Variants in ANKRD13B observed in about 807,000 individuals in gnomAD.
ANKRD13B encodes the protein ankyrin repeat domain-containing protein 13B.
Under a neutral mutation model 74.4 loss-of-function variants are expected in ANKRD13B, and 33 were observed. That is an observed-to-expected ratio of 0.44 (90% CI 0.34 to 0.59). ANKRD13B has a LOEUF of 0.59. ANKRD13B is among the 20% of genes least tolerant of loss of function. ANKRD13B has a pLI of 0.02. For synonymous variants in ANKRD13B, 341 were observed against 362.9 expected (o/e 0.94, Z 0.68); for missense variants, 676 against 877.9 (o/e 0.77, Z 2.91).
chr17:29,593,611 A>T lies in ANKRD13B; in HGVS notation c.-11A>T. The T allele has an allele frequency of 7.7e-7, 1 of 1,303,106 alleles. No individual in the cohort carries two copies. The allele number at this position is 1,303,106 out of a possible 1,614,324, so 80.7% of individuals were successfully genotyped here. On this transcript the variant is annotated 5_prime_UTR_variant, in exon 1 of 15. It removes the in-frame stop codon of an upstream open reading frame in the 5' UTR. Transcript: ENST00000394859. ...GGCCGGGCGCCGCGGCCCCGGCATGAGGAGCGGGCGATGATCCCCGCCAAC... is the reference window on the plus strand; with the variant it reads ...GGCCGGGCGCCGCGGCCCCGGCATGTGGAGCGGGCGATGATCCCCGCCAAC...
Position 29,611,864 on chromosome 17 carries a change from C to T in ANKRD13B, c.970-12C>T. The T allele has an allele frequency of 1.3e-6, 2 of 1,583,814 alleles. No individual in the cohort carries two copies. Among genetic ancestry groups the T allele is most frequent in the Non-Finnish European group, 1.7e-6 (2 of 1,163,998 alleles). On this transcript the variant is annotated splice_polypyrimidine_tract_variant and intron_variant, in intron 9 of 14. Coordinates refer to ENST00000394859, the MANE Select transcript of ANKRD13B (RefSeq NM_152345.5). This position sits in a 1 kb window ranked among gnomAD's most constrained non-coding sequence, Gnocchi z 4.3. ...TGAGGGGAGCTCCTGGGCCCCTCCC[C>T]ATGTGGTACAGACCCTGATCACTCA... is the stretch of plus-strand genomic sequence containing the variant.
At chr17:29,602,311 C>T (rs909882655) in intron 1 of ANKRD13B, among the ~76,000 whole-genome samples, 3 of 149,788 alleles carry the variant, frequency 2.0e-5, no homozygotes, top group African/African-American at 5.0e-5. Flanking sequence ...AGGAGAATGG[C>T]GTGAACCGGG....
Position 29,610,723 on chromosome 17 carries a change from A to T in ANKRD13B, c.861A>T (p.Thr287=). Residue 287 remains threonine (T), a synonymous_variant, in exon 8 of 15, where the codon ACA becomes ACT. Transcript: ENST00000394859. ...CTAACGTGGAGCTCATCACCCGCAC[A>T]CGGACAGAACATCTTTCAGAACAGC... ...GASNVELITR[T]RTEHLSEQHK... The T allele has an allele frequency of 6.2e-7, 1 of 1,614,012 alleles. No individual in the cohort carries two copies. The highest frequency in any genetic ancestry group is 8.5e-7 in the Non-Finnish European group (1 of 1,179,946).
chr17:29,610,907 G>A lies in ANKRD13B; in HGVS notation c.904+141G>A, dbSNP rs185234037. 3.0e-4 allele frequency: 255 copies of A among 843,152 alleles called. No individual in the cohort carries two copies. The African/African-American group carries it at 4.1e-3, about 14-fold the overall frequency. The allele number at this position is 843,152 out of a possible 1,614,324, so 52.2% of individuals were successfully genotyped here. ...TTCAGGCCGATAGATTTCAATTCAG[G>A]TGCCAAGCCCTAAGGATGGGTAGTG... On this transcript the variant is annotated intron_variant, in intron 8 of 14. Coordinates refer to ENST00000394859, the MANE Select transcript of ANKRD13B (RefSeq NM_152345.5).
chr17:29,612,305 G>C lies in ANKRD13B; in HGVS notation c.1258+32G>C, dbSNP rs772449873. ...CCGCACGGCCATTTCTCCTGAGCCC[G>C]TGGCGGGCCGACCGGGGTTTAGATG... On this transcript the variant is annotated intron_variant, in intron 11 of 14. Transcript: ENST00000394859. The surrounding 1 kb of genome is among the most constrained non-coding windows in gnomAD (Gnocchi z 6.1). The C allele has an allele frequency of 6.2e-7, 1 of 1,612,804 alleles. No homozygotes were observed. The highest frequency in any genetic ancestry group is 8.5e-7 in the Non-Finnish European group (1 of 1,179,086).
At position 29,607,865 on chromosome 17, in the gene ANKRD13B, A is replaced by C; in HGVS notation, c.238A>C (p.Ser80Arg). 6.2e-7 allele frequency: 1 copy of C among 1,601,364 alleles called. No homozygotes were observed. The highest frequency in any genetic ancestry group is 8.5e-7 in the Non-Finnish European group (1 of 1,175,430). The change falls in exon 2 of 15, where the codon AGC (serine) becomes CGC (arginine). Residue 80 changes from serine (S) to arginine (R), a missense_variant. By Grantham distance (110) the Ser-to-Arg change is moderately radical. Coordinates refer to ENST00000394859, the MANE Select transcript of ANKRD13B (RefSeq NM_152345.5). ...CGCAGACGTGGGCAGGGAGAATCGCAGCGGCTGGACAGGTGGGCAGCCCTG... is the reference window on the plus strand; with the variant it reads ...CGCAGACGTGGGCAGGGAGAATCGCCGCGGCTGGACAGGTGGGCAGCCCTG... The part of the protein sequence containing the change: ...HGADVGRENR[S>R]GWTVLQEAVS...
chr17:29,605,948 T>C (rs1253487245), intron 1 of ANKRD13B, among the ~76,000 whole-genome samples: 2 of 151,978 alleles, frequency 1.3e-5, no homozygotes, highest in African/African-American at 2.4e-5. Flanking sequence ...GTTTTGCTCT[T>C]GTCGCCCAGG....
In ANKRD13B at chr17:29,613,699, G is replaced by A. The variant is rs2034696890; in HGVS notation, c.*117G>A. On this transcript the variant is annotated 3_prime_UTR_variant, in exon 15 of 15. Coordinates refer to ENST00000394859, the MANE Select transcript of ANKRD13B (RefSeq NM_152345.5). ...GGCTGGAGACTGGAGCCACCGCCTC[G>A]CGGGTGCAGCAGCACAGCAGGCACG... The A allele has an allele frequency of 7.4e-7, 1 of 1,358,560 alleles. No individual in the cohort carries two copies. Among genetic ancestry groups the A allele is most frequent in the South Asian group, 1.7e-5 (1 of 59,740 alleles). 84.2% of individuals were successfully genotyped at this position (1,358,560 alleles called of 1,614,324 possible).
intron 1 of ANKRD13B, among the ~76,000 whole-genome samples, chr17:29,597,160 CTG>C (rs1312879852): frequency 1.3e-5 from 2 of 152,206 alleles, no homozygotes; most frequent in African/African-American, 4.8e-5. Flanking sequence ...CTCGCAAGCA[CTG>C]TGTTTAGTCC....
At chr17:29,596,756 C>T (rs866030673) in intron 1 of ANKRD13B, among the ~76,000 whole-genome samples, 3 of 152,252 alleles carry the variant, frequency 2.0e-5, no homozygotes, top group African/African-American at 4.8e-5. Flanking sequence ...GCACCTCAGA[C>T]CCCTCCCTTT....
At position 29,611,500 on chromosome 17, in the gene ANKRD13B, T is replaced by G; in HGVS notation, c.905-79T>G. The G allele has an allele frequency of 1.3e-6, 2 of 1,487,262 alleles. No homozygotes were observed. The highest frequency in any genetic ancestry group is 1.9e-6 in the Non-Finnish European group (2 of 1,066,624). The allele number at this position is 1,487,262 out of a possible 1,614,324, so 92.1% of individuals were successfully genotyped here. A position where few individuals can be genotyped will look rare whatever the true frequency, so the allele number is the denominator to read the frequency against. ...CAGGAACCGGCCTCCTCCCTAGGTC[T>G]TGGGTGCTGTCACCTCTGATGAGGT... On this transcript the variant is annotated intron_variant, in intron 8 of 14. Transcript: ENST00000394859. This position sits in a 1 kb window ranked among gnomAD's most constrained non-coding sequence, Gnocchi z 4.3.
Position 29,607,946 on chromosome 17 carries a change from G to C in ANKRD13B, c.251-40G>C, listed in dbSNP as rs375318309. The C allele has an allele frequency of 1.3e-5, 20 of 1,579,876 alleles. No individual in the cohort carries two copies. The African/African-American group carries it at 2.7e-4, about 21-fold the overall frequency. On this transcript the variant is annotated intron_variant, in intron 2 of 14. Coordinates refer to ENST00000394859, the MANE Select transcript of ANKRD13B (RefSeq NM_152345.5). Reference sequence around the variant, plus strand: ...CAGCATCATAGACCTATGGTTGGCTGAAGGGTCCTGCCCTGTGACCTTGCC... The same window carrying C: ...CAGCATCATAGACCTATGGTTGGCTCAAGGGTCCTGCCCTGTGACCTTGCC...
chr17:29,610,726 G>T lies in ANKRD13B; in HGVS notation c.864G>T (p.Arg288=). 1 of 1,614,010 alleles carries T rather than the reference G, an allele frequency of 6.2e-7. No homozygotes were observed. ...ACGTGGAGCTCATCACCCGCACACG[G>T]ACAGAACATCTTTCAGAACAGCACA... ...ASNVELITRT[R]TEHLSEQHKG... is the part of the protein sequence containing the mutation. The change falls in exon 8 of 15, where the codon CGG becomes CGT. Residue 288 remains arginine (R), a synonymous_variant. Coordinates refer to ENST00000394859, the MANE Select transcript of ANKRD13B (RefSeq NM_152345.5).
intron 1 of ANKRD13B, among the ~76,000 whole-genome samples, chr17:29,595,353 CTCA>C (rs920044527): frequency 1.3e-4 from 20 of 152,210 alleles, no homozygotes; most frequent in African/African-American, 4.6e-4. Context: ...GAAGACAAGC[CTCA>C]TGTGGGAAGA....
In ANKRD13B at chr17:29,608,201, G is replaced by T; in HGVS notation, c.382G>T (p.Asp128Tyr). 1.2e-6 allele frequency: 2 copies of T among 1,614,186 alleles called. No individual in the cohort carries two copies. Among genetic ancestry groups the T allele is most frequent in the Non-Finnish European group, 1.7e-6 (2 of 1,180,024 alleles). ...VLLEKLRKAQ[D>Y]FYVEMKWEFT... ...TCTCCCCTTCGTCCTCCAGGCCCAG[G>T]ACTTCTACGTGGAGATGAAATGGGA... Residue 128 changes from aspartate to tyrosine, a missense_variant, in exon 4 of 15, where the codon GAC becomes TAC. By Grantham distance (160) the Asp-to-Tyr change is radical (BLOSUM62 -3). Coordinates refer to ENST00000394859, the MANE Select transcript of ANKRD13B (RefSeq NM_152345.5). The surrounding 1 kb of genome is among the most constrained non-coding windows in gnomAD (Gnocchi z 6.4).
At position 29,593,365 on chromosome 17, in the gene ANKRD13B, G is replaced by T; in HGVS notation, c.-257G>T. ...GAGCGCGAGTCCGCGCAGCGCCGCC[G>T]AGTGCCCGCTCCCTCCCAGGGCGGG... On this transcript the variant is annotated 5_prime_UTR_variant, in exon 1 of 15. Coordinates refer to ENST00000394859, the MANE Select transcript of ANKRD13B (RefSeq NM_152345.5). 1 of 147,400 alleles carries T rather than the reference G, an allele frequency of 6.8e-6. No individual in the cohort carries two copies. The highest frequency in any genetic ancestry group is 1.9e-4 in the South Asian group (1 of 5,286). The allele number at this position is 147,400 out of a possible 1,614,324, so 9.1% of individuals were successfully genotyped here. A position where few individuals can be genotyped will look rare whatever the true frequency, so the allele number is the denominator to read the frequency against.
chr17:29,612,112 G>A lies in ANKRD13B; in HGVS notation c.1101-4G>A. 6.2e-7 allele frequency: 1 copy of A among 1,613,856 alleles called. No individual in the cohort carries two copies. The highest frequency in any genetic ancestry group is 8.5e-7 in the Non-Finnish European group (1 of 1,179,846). ...CCTTACCCCTTGGGATCTGGTGGGG[G>A]CAGGTTCAAGGCCAAGCTGTGGCTG... is the stretch of plus-strand genomic sequence containing the variant. On this transcript the variant is annotated splice_region_variant and splice_polypyrimidine_tract_variant and intron_variant, in intron 10 of 14. Coordinates refer to ENST00000394859, the MANE Select transcript of ANKRD13B (RefSeq NM_152345.5). This position sits in a 1 kb window ranked among gnomAD's most constrained non-coding sequence, Gnocchi z 6.1.
In ANKRD13B at chr17:29,612,773, C is replaced by T; in HGVS notation, c.1533C>T (p.Ala511=). Residue 511 remains alanine, a synonymous_variant, in exon 13 of 15, where the codon GCC becomes GCT. Transcript: ENST00000394859. This position sits in a 1 kb window ranked among gnomAD's most constrained non-coding sequence, Gnocchi z 6.1. The part of the protein sequence containing the change: ...RDDDDDLLQF[A]IQQSLLEAGS... Reference sequence around the variant, plus strand: ...ACGACGACGACCTGCTGCAATTCGCCATCCAGCAGAGCCTGCTTGAGGCGG... The same window carrying T: ...ACGACGACGACCTGCTGCAATTCGCTATCCAGCAGAGCCTGCTTGAGGCGG... 1 of 1,603,448 alleles carries T rather than the reference C, an allele frequency of 6.2e-7. No homozygotes were observed.
intron 1 of ANKRD13B, among the ~76,000 whole-genome samples, chr17:29,607,494 T>C (rs1350134896): frequency 6.6e-6 from 1 of 152,242 alleles, no homozygotes; most frequent in East Asian, 1.9e-4. Context: ...AAGCCCTCCC[T>C]CTTCCAGAGT....
Sources: allele counts gnomAD v4.1 joint callset (sites outside exome capture counted in the v4.1 genomes callset), GRCh38; gene constraint gnomAD v4.1.1; non-coding constraint Gnocchi (gnomAD v3.1); transcripts MANE v1.5; gene names NCBI Gene and HGNC (gene_info 2026-07-23, HGNC 2026-07-21).